SNTG1: variants seen among roughly 807,000 people sequenced by gnomAD.
SNTG1 encodes the protein gamma-1-syntrophin.
A neutral mutation model predicts 74.7 loss-of-function variants in SNTG1; 39 were observed. The ratio of observed to expected loss-of-function variants is 0.52; its 90% CI spans 0.40 to 0.68. The LOEUF is 0.68. Ranked by LOEUF, SNTG1 falls within the 30% of genes least tolerant of loss-of-function variation. The probability of loss-of-function intolerance (pLI) is 0.00; values close to 1 mark genes in which losing one functional copy is unlikely to be tolerated. For synonymous variants in SNTG1, 254 were observed against 217.1 expected (o/e 1.17, Z -1.49); for missense variants, 685 against 609.5 (o/e 1.12, Z -1.30).
chr8:49,914,074 G>A (rs1805810982), intron 1 of SNTG1, among the ~76,000 whole-genome samples: 1 of 152,146 alleles, frequency 6.6e-6, no homozygotes, highest in South Asian at 2.1e-4. Context: ...TATCTGTAGG[G>A]AAATGTCCTT....
chr8:50,704,226 A>G (rs2095435878), intron 15 of SNTG1, among the ~76,000 whole-genome samples: 1 of 152,216 alleles, frequency 6.6e-6, no homozygotes, highest in Non-Finnish European at 1.5e-5. Flanking sequence ...ATTTACAAAC[A>G]TGTTCACAAG....
intron 12 of SNTG1, among the ~76,000 whole-genome samples, chr8:50,559,360 TTAAC>T (rs1177736221): frequency 6.6e-6 from 1 of 152,126 alleles, no homozygotes; most frequent in Non-Finnish European, 1.5e-5. Context: ...AGAGAAAGCC[TTAAC>T]TAAGTAGCCA....
intron 2 of SNTG1, among the ~76,000 whole-genome samples, chr8:50,247,560 T>G (rs1009723745): frequency 2.6e-5 from 4 of 152,174 alleles, no homozygotes; most frequent in African/African-American, 9.7e-5. Context: ...GGCTGCAGTA[T>G]AGTGGCATGA....
chr8:50,207,070 G>C (rs547680541), intron 2 of SNTG1, among the ~76,000 whole-genome samples: 1 of 152,286 alleles, frequency 6.6e-6, no homozygotes, highest in Admixed American at 6.5e-5. Flanking sequence ...TCAGGATGAT[G>C]CTGGCCTCAT....
intron 1 of SNTG1, among the ~76,000 whole-genome samples, chr8:50,040,363 T>TA (rs1818531091): frequency 1.3e-5 from 2 of 152,232 alleles, no homozygotes; most frequent in Non-Finnish European, 2.9e-5. Context: ...ATAAAACTTA[T>TA]AGCGTGCTTA....
intron 1 of SNTG1, among the ~76,000 whole-genome samples, chr8:50,100,145 G>A (rs535338069): frequency 6.6e-6 from 1 of 152,182 alleles, no homozygotes; most frequent in Non-Finnish European, 1.5e-5. Context: ...ATTAAAGTAA[G>A]TGAAATAAGC....
intron 14 of SNTG1, 87 bp from the exon 15 acceptor site, chr8:50,658,505 C>T: frequency 1.1e-6 from 1 of 936,174 alleles, no homozygotes; most frequent in Non-Finnish European, 1.6e-6. Flanking sequence ...AAAGTTTTTT[C>T]TTATTTTTCA....
At chr8:50,012,554 C>T (rs1815912883) in intron 1 of SNTG1, among the ~76,000 whole-genome samples, 1 of 152,060 alleles carries the variant, frequency 6.6e-6, no homozygotes, top group South Asian at 2.1e-4. Context: ...GAGAGTTAGG[C>T]CTTGTTTTAA....
intron 15 of SNTG1, among the ~76,000 whole-genome samples, chr8:50,692,163 A>G (rs1183292368): frequency 2.0e-5 from 3 of 151,936 alleles, no homozygotes; most frequent in African/African-American, 7.3e-5. Flanking sequence ...ATTTTTTTTC[A>G]AAGCTTTTAA....
chr8:50,729,547 G>A (rs779820819), intron 17 of SNTG1, among the ~76,000 whole-genome samples: 1 of 152,072 alleles, frequency 6.6e-6, no homozygotes, highest in Non-Finnish European at 1.5e-5. Flanking sequence ...CAGTGATGGG[G>A]GTCTCTTTTG....
chr8:50,763,918 A>C (rs1353678022), intron 18 of SNTG1, among the ~76,000 whole-genome samples: 1 of 144,508 alleles, frequency 6.9e-6, no homozygotes, highest in African/African-American at 2.6e-5. Flanking sequence ...AAAATAACCA[A>C]GGCAATTCCT....
chr8:49,973,984 A>T (rs1294227139), intron 1 of SNTG1, among the ~76,000 whole-genome samples: 2 of 152,116 alleles, frequency 1.3e-5, no homozygotes, highest in Non-Finnish European at 2.9e-5. Context: ...ATAAGCCCCA[A>T]TTTTTTATGT....
chr8:49,948,307 G>A (rs1010122697), intron 1 of SNTG1, among the ~76,000 whole-genome samples: 7 of 152,052 alleles, frequency 4.6e-5, no homozygotes, highest in African/African-American at 1.7e-4. Flanking sequence ...ACTGTTTTAT[G>A]TATATCATCT....
chr8:50,595,228 C>T (rs1432680932), intron 13 of SNTG1, among the ~76,000 whole-genome samples: 1 of 151,902 alleles, frequency 6.6e-6, no homozygotes, highest in Non-Finnish European at 1.5e-5. Context: ...GATAATGAGC[C>T]TGTTTTTGTT....
chr8:50,088,745 GA>G (rs1294571592), intron 1 of SNTG1, among the ~76,000 whole-genome samples: 2 of 147,760 alleles, frequency 1.4e-5, no homozygotes, highest in Non-Finnish European at 3.0e-5. Flanking sequence ...ACTGCTCAAG[GA>G]AATAACAGAG....
chr8:50,126,974 T>C (rs751301928), intron 1 of SNTG1, among the ~76,000 whole-genome samples: 2 of 152,114 alleles, frequency 1.3e-5, no homozygotes, highest in South Asian at 2.1e-4. Context: ...ATCACAGTTA[T>C]ATCTGGGGTC....
chr8:50,474,639 C>G (rs2093681105), intron 8 of SNTG1, among the ~76,000 whole-genome samples: 1 of 152,120 alleles, frequency 6.6e-6, no homozygotes, highest in South Asian at 2.1e-4. Flanking sequence ...GGACTGTAAA[C>G]TAGTTCAAAT....
At chr8:50,686,959 C>T (rs540638080) in intron 15 of SNTG1, among the ~76,000 whole-genome samples, 1 of 150,868 alleles carries the variant, frequency 6.6e-6, no homozygotes, top group South Asian at 2.1e-4. Flanking sequence ...CAAGGTGAAA[C>T]CCCGTCTCTA....
intron 9 of SNTG1, among the ~76,000 whole-genome samples, chr8:50,528,693 A>T (rs1479785131): frequency 6.6e-6 from 1 of 151,504 alleles, no homozygotes; most frequent in East Asian, 1.9e-4. Context: ...TCTTTCATGA[A>T]GTTATTTATC....
Sources: gnomAD v4.1 joint callset for allele counts (sites outside exome capture counted in the v4.1 genomes callset) on GRCh38, gnomAD v4.1.1 for gene constraint, MANE v1.5 for transcripts, NCBI Gene and HGNC (gene_info 2026-07-23, HGNC 2026-07-21) for gene names.